The following EVC2 variants were observed in gnomAD, a reference collection of about 807,000 sequenced individuals.
EVC2 encodes EvC ciliary complex subunit 2, also known as limbin.
In EVC2, 148 loss-of-function variants were observed where a neutral mutation model predicts 149.3. That is an observed-to-expected ratio of 0.99 (90% CI 0.87 to 1.14). EVC2 has a LOEUF of 1.14. EVC2 is among the 50% of genes most tolerant of loss of function. The pLI is 0.00. For synonymous variants in EVC2, 776 were observed against 649.9 expected (o/e 1.19, Z -2.95); for missense variants, 1,854 against 1,627.3 (o/e 1.14, Z -2.40).
intron 21 of EVC2, among the ~76,000 whole-genome samples, chr4:5,544,380 C>A (rs1156298730): frequency 6.6e-6 from 1 of 152,122 alleles, no homozygotes; most frequent in Non-Finnish European, 1.5e-5. Context: ...AATTTATTTT[C>A]TCTGGAAATA....
In EVC2 at chr4:5,618,732, C is replaced by T. The variant is rs1715465234; in HGVS notation, c.2502-50G>A. On this transcript the variant is annotated intron_variant, in intron 14 of 21. Coordinates refer to ENST00000344408, the MANE Select transcript of EVC2 (RefSeq NM_147127.5). The surrounding 1 kb of genome is among the most constrained non-coding windows in gnomAD (Gnocchi z 4.4). ...TCTTAACACAGAGAAAGCCTGGGGG[C>T]TGGGCTGGGGTGAAGAAGCCAGAGA... 1.3e-6 allele frequency: 2 copies of T among 1,537,928 alleles called. No individual in the cohort carries two copies. The highest frequency in any genetic ancestry group is 1.8e-6 in the Non-Finnish European group (2 of 1,133,972).
chr4:5,532,591 G>T, the EVC2 span, among the ~76,000 whole-genome samples: 1 of 152,130 alleles, frequency 6.6e-6, no homozygotes, highest in Admixed American at 6.5e-5. Flanking sequence ...CACCTCATCT[G>T]CCAGCAAGCC....
At chr4:5,595,909 G>A (rs1453293548) in intron 16 of EVC2, among the ~76,000 whole-genome samples, 1 of 151,974 alleles carries the variant, frequency 6.6e-6, no homozygotes, top group Non-Finnish European at 1.5e-5. Context: ...AAAAGGCAGG[G>A]GTTGCAATCC....
downstream of EVC2, chr4:5,562,377 A>G: frequency 5.5e-6 from 5 of 902,214 alleles, no homozygotes; most frequent in Non-Finnish European, 6.8e-6. The surrounding 1 kb of genome is among the most constrained non-coding windows in gnomAD (Gnocchi z 4.3). Context: ...AACAAAACGT[A>G]AGACGTAATT....
At chr4:5,687,991 T>C (rs1235944796) in intron 5 of EVC2, among the ~76,000 whole-genome samples, 1 of 152,206 alleles carries the variant, frequency 6.6e-6, no homozygotes, top group Admixed American at 6.5e-5. Context: ...CAGGTCCATC[T>C]GAGGCTGCAT....
intron 1 of EVC2, among the ~76,000 whole-genome samples, chr4:5,700,086 G>T (rs1721732461): frequency 6.6e-6 from 1 of 152,200 alleles, no homozygotes; most frequent in African/African-American, 2.4e-5. Flanking sequence ...GTTGCAGTGA[G>T]TGGAGATGGC....
chr4:5,703,916 C>T (rs1721980493), intron 1 of EVC2, among the ~76,000 whole-genome samples: 1 of 152,004 alleles, frequency 6.6e-6, no homozygotes, highest in African/African-American at 2.4e-5. Context: ...GACAGAGTGG[C>T]TGTCAGGGTA....
At chr4:5,597,036 T>A (rs1713491226) in intron 16 of EVC2, among the ~76,000 whole-genome samples, 1 of 152,192 alleles carries the variant, frequency 6.6e-6, no homozygotes, top group Non-Finnish European at 1.5e-5. Flanking sequence ...AATCTCGGAA[T>A]AGACTAATAA....
intron 16 of EVC2, among the ~76,000 whole-genome samples, chr4:5,605,137 TTA>T (rs1714283432): frequency 6.6e-6 from 1 of 152,216 alleles, no homozygotes; most frequent in South Asian, 2.1e-4. Flanking sequence ...ACTCAACTGT[TTA>T]TGTTATTTGT....
intron 3 of EVC2, among the ~76,000 whole-genome samples, chr4:5,692,307 C>T (rs981036833): frequency 2.0e-5 from 3 of 152,084 alleles, no homozygotes; most frequent in African/African-American, 4.8e-5. Context: ...GGATTATAAA[C>T]GTGAGCCACC....
intron 1 of EVC2, among the ~76,000 whole-genome samples, chr4:5,702,943 T>C (rs978045540): frequency 6.6e-6 from 1 of 152,234 alleles, no homozygotes; most frequent in Non-Finnish European, 1.5e-5. Flanking sequence ...AAGCTTAGCA[T>C]AGTAACAGAG....
chr4:5,673,900 T>A (rs17739030), intron 7 of EVC2, among the ~76,000 whole-genome samples: 20 of 151,986 alleles, frequency 1.3e-4, no homozygotes, highest in Middle Eastern at 3.4e-3. Flanking sequence ...TATTTTATTC[T>A]TCCAACTTTT....
At chr4:5,607,710 A>G (rs1456006236) in intron 16 of EVC2, among the ~76,000 whole-genome samples, 2 of 152,190 alleles carry the variant, frequency 1.3e-5, no homozygotes, top group African/African-American at 4.8e-5. Context: ...AGGTAGAGTT[A>G]CAGAGTAGTC....
At chr4:5,620,558 A>G (rs1451570411) in intron 14 of EVC2, among the ~76,000 whole-genome samples, 4 of 152,220 alleles carry the variant, frequency 2.6e-5, no homozygotes, top group Non-Finnish European at 4.4e-5. Flanking sequence ...TTTCAAATCT[A>G]TTGTGCAAAA....
chr4:5,588,541 G>A (rs998674415), intron 16 of EVC2, among the ~76,000 whole-genome samples: 4 of 151,840 alleles, frequency 2.6e-5, no homozygotes, highest in Admixed American at 6.6e-5. Context: ...ACATTAGGCC[G>A]CCTGAAGTTG....
At chr4:5,608,354 T>C (rs185084636) in intron 16 of EVC2, among the ~76,000 whole-genome samples, 6 of 152,294 alleles carry the variant, frequency 3.9e-5, no homozygotes, top group Non-Finnish European at 7.3e-5. Context: ...GTCAGCAAGA[T>C]GCAGCTCCAT....
intron 16 of EVC2, among the ~76,000 whole-genome samples, chr4:5,602,291 T>TAAAAAAAAAAAAAAA (rs571933194): frequency 3.7e-5 from 3 of 81,712 alleles, no homozygotes; most frequent in African/African-American, 5.0e-5. Context: ...CATTGCCTCT[T>TAAAAAAAAAAAAAAA]AAAAAAAAAA....
intron 13 of EVC2, among the ~76,000 whole-genome samples, chr4:5,624,988 C>T (rs750121054): frequency 5.3e-5 from 8 of 152,098 alleles, no homozygotes; most frequent in Non-Finnish European, 8.8e-5. Flanking sequence ...TGCATCCGCT[C>T]GCACCCGGCC....
Position 5,670,379 on chromosome 4 carries a change from T to C in EVC2, c.871-4730A>G, listed in dbSNP as rs997933516. Reference sequence around the variant, plus strand: ...ACCACCACCATCACCACCATCATTATCAACATCATCAATATCTCCATCATT... The same window carrying C: ...ACCACCACCATCACCACCATCATTACCAACATCATCAATATCTCCATCATT... On this transcript the variant is annotated intron_variant, in intron 7 of 21. Transcript: ENST00000344408. The surrounding 1 kb of genome is among the most constrained non-coding windows in gnomAD (Gnocchi z 5.2). Among the ~76,000 whole-genome samples, 1 of 151,832 alleles carries C rather than the reference T, an allele frequency of 6.6e-6. No individual in the cohort carries two copies. The highest frequency in any genetic ancestry group is 2.4e-5 in the African/African-American group (1 of 41,322).
Sources: allele counts gnomAD v4.1 joint callset (sites outside exome capture counted in the v4.1 genomes callset), GRCh38; gene constraint gnomAD v4.1.1; non-coding constraint Gnocchi (gnomAD v3.1); transcripts MANE v1.5; gene names NCBI Gene and HGNC (gene_info 2026-07-23, HGNC 2026-07-21).